Variants in RGS1 observed in about 807,000 individuals in gnomAD.
The protein encoded by RGS1 is B-cell activation protein BL34.
Under a neutral mutation model 22.2 loss-of-function variants are expected in RGS1, and 11 were observed. The observed-to-expected ratio is 0.50, with a 90% CI of 0.31 to 0.82. The LOEUF (loss-of-function observed/expected upper bound fraction) is 0.82, where lower values mean the gene tolerates loss of function less well. RGS1 is among the 40% of genes least tolerant of loss of function. RGS1 has a pLI of 0.04. For missense variants in RGS1, 255 were observed against 245.8 expected (o/e 1.04, Z -0.25); for synonymous variants, 81 against 79.9 (o/e 1.01, Z -0.07).
chr1:192,577,019 C>A, intron 3 of RGS1, 184 bp downstream of exon 3: 1 of 433,912 alleles, frequency 2.3e-6, no homozygotes, highest in Non-Finnish European at 4.0e-6. Flanking sequence ...TCAATTCTGC[C>A]AACTCCTTTT....
At position 192,579,151 on chromosome 1, in the gene RGS1, C is replaced by T. The variant is rs367632361; in HGVS notation, c.459C>T (p.Phe153=). The stretch of plus-strand genomic sequence containing the variant: ...TTCTTTTTTAGATCAATATTGACTT[C>T]CGCACTCGAGAATCTACAGCCAAGA... ...SDAAKQINID[F]RTRESTAKKI... is the part of the protein sequence containing the mutation. Residue 153 remains phenylalanine (F), a synonymous_variant, in exon 5 of 5, where the codon TTC becomes TTT. Transcript: ENST00000367459. 108 of 1,612,104 alleles carry T rather than the reference C, an allele frequency of 6.7e-5. No individual in the cohort carries two copies. The highest frequency in any genetic ancestry group is 8.7e-5 in the Non-Finnish European group (102 of 1,179,158).
rs764944580 is a variant in RGS1 at position 192,579,156 on chromosome 1, C to T, written c.464C>T (p.Thr155Ile). 1.2e-6 allele frequency: 2 copies of T among 1,612,672 alleles called. No individual in the cohort carries two copies. Among genetic ancestry groups the T allele is most frequent in the South Asian group, 1.1e-5 (1 of 90,908 alleles). Residue 155 changes from threonine (T) to isoleucine (I), a missense_variant, in exon 5 of 5, where the codon ACT becomes ATT. Coordinates refer to ENST00000367459, the MANE Select transcript of RGS1 (RefSeq NM_002922.4). ...AAKQINIDFR[T>I]RESTAKKIKA... is the part of the protein sequence containing the mutation. ...TTTTAGATCAATATTGACTTCCGCA[C>T]TCGAGAATCTACAGCCAAGAAGATT... is the stretch of plus-strand genomic sequence containing the variant.
At chr1:192,578,635 G>A in intron 4 of RGS1, 2 of 571,706 alleles carry the variant, frequency 3.5e-6, no homozygotes, top group Non-Finnish European at 6.1e-6. Flanking sequence ...GAAGGGTTAA[G>A]GGTATTGTTA....
chr1:192,579,113 A>C, intron 4 of RGS1, 24 bp from the exon 5 acceptor site: 1 of 1,595,580 alleles, frequency 6.3e-7, no homozygotes, highest in Non-Finnish European at 8.5e-7. Context: ...AGTATATATT[A>C]GCTAACAAGG....
In RGS1 at chr1:192,576,636, T is replaced by C. The variant is rs1438403061; in HGVS notation, c.219-138T>C. The C allele has an allele frequency of 4.9e-6, 4 of 818,022 alleles. No homozygotes were observed. The African/African-American group carries it at 7.0e-5, about 14-fold the overall frequency. 50.7% of individuals were successfully genotyped at this position (818,022 alleles called of 1,614,324 possible). A position where few individuals can be genotyped will look rare whatever the true frequency, so the allele number is the denominator to read the frequency against. ...AGTAACTCTAAGGGAAGTTTTGCAT[T>C]TTGTGAATAAATTTTAACATATTTA... On this transcript the variant is annotated intron_variant, in intron 2 of 4. Coordinates refer to ENST00000367459, the MANE Select transcript of RGS1 (RefSeq NM_002922.4).
chr1:192,578,575 A>G, intron 4 of RGS1, 190 bp downstream of exon 4: 1 of 677,464 alleles, frequency 1.5e-6, no homozygotes, highest in Non-Finnish European at 2.4e-6. Context: ...TCAGCACAGT[A>G]GAATAAAGAG....
intron 3 of RGS1, chr1:192,577,980 A>T: frequency 2.1e-6 from 1 of 478,484 alleles, no homozygotes; most frequent in Non-Finnish European, 3.6e-6. Flanking sequence ...AGCCACCATC[A>T]AGTAGCAATG....
chr1:192,576,008 A>G (rs1002450473), intron 1 of RGS1, 79 bp downstream of exon 1: 7 of 1,532,798 alleles, frequency 4.6e-6, no homozygotes, highest in Admixed American at 1.8e-5. Flanking sequence ...TGAATGGAAG[A>G]GAGTGTGAGC....
chr1:192,576,732 T>C (rs1299363462), intron 2 of RGS1, 42 bp from the exon 3 acceptor site: 2 of 1,544,598 alleles, frequency 1.3e-6, no homozygotes, highest in African/African-American at 1.4e-5. Flanking sequence ...TGTGCTTACA[T>C]TTTAAAAATT....
In RGS1 at chr1:192,579,121, A is replaced by C. The variant is rs746696088; in HGVS notation, c.445-16A>C. On this transcript the variant is annotated splice_polypyrimidine_tract_variant and intron_variant, in intron 4 of 4. Coordinates refer to ENST00000367459, the MANE Select transcript of RGS1 (RefSeq NM_002922.4). ...AAAGAAAAGTATATATTAGCTAACA[A>C]GGTTTTCTTTTTTAGATCAATATTG... The C allele has an allele frequency of 1.3e-6, 2 of 1,599,092 alleles. No homozygotes were observed. Among genetic ancestry groups the C allele is most frequent in the South Asian group, 2.3e-5 (2 of 87,658 alleles).
chr1:192,579,049 A>T, intron 4 of RGS1, 88 bp from the exon 5 acceptor site: 1 of 1,294,322 alleles, frequency 7.7e-7, no homozygotes, highest in Non-Finnish European at 1.1e-6. Flanking sequence ...CCTTAAAATT[A>T]CTTTCTGAGG....
intron 3 of RGS1, 28 bp from the exon 4 acceptor site, chr1:192,578,194 T>TC: frequency 1.3e-6 from 2 of 1,577,272 alleles, no homozygotes; most frequent in Non-Finnish European, 1.7e-6. Context: ...TTTAATTATC[T>TC]CCCCACCCAC....
Position 192,579,559 on chromosome 1 carries a change from A to G in RGS1, c.*237A>G, listed in dbSNP as rs548830291. The G allele has an allele frequency of 2.6e-5, 11 of 426,696 alleles. No individual in the cohort carries two copies. The highest frequency in any genetic ancestry group is 2.5e-5 in the Non-Finnish European group (6 of 241,316). 26.4% of individuals were successfully genotyped at this position (426,696 alleles called of 1,614,324 possible). A position where few individuals can be genotyped will look rare whatever the true frequency, so the allele number is the denominator to read the frequency against. ...AGATACTGTGGTACTGTCATAAAAA[A>G]CAGTGGAGCTCTGTATTAGAAAGCC... On this transcript the variant is annotated 3_prime_UTR_variant, in exon 5 of 5. Coordinates refer to ENST00000367459, the MANE Select transcript of RGS1 (RefSeq NM_002922.4).
At chr1:192,578,533 T>C in intron 4 of RGS1, 148 bp downstream of exon 4, 2 of 860,050 alleles carry the variant, frequency 2.3e-6, no homozygotes, top group East Asian at 5.3e-5. Context: ...TTCAGTGCAA[T>C]GAGAATCTAA....
intron 4 of RGS1, 54 bp from the exon 5 acceptor site, chr1:192,579,083 T>G: frequency 6.5e-7 from 1 of 1,535,538 alleles, no homozygotes; most frequent in Non-Finnish European, 8.8e-7. Flanking sequence ...AGTAACATCA[T>G]AAAATTTGCA....
chr1:192,576,373 C>A lies in RGS1; in HGVS notation c.218+8C>A, dbSNP rs757618719. The A allele has an allele frequency of 5.8e-6, 9 of 1,551,592 alleles. No individual in the cohort carries two copies. The East Asian group carries it at 1.8e-4, about 31-fold the overall frequency. On this transcript the variant is annotated splice_region_variant and intron_variant, in intron 2 of 4. Transcript: ENST00000367459. ...TTCCAAGTCCAAGGATGTGTAAGTA[C>A]ACTAATACACTAAACTATCATTATC...
rs745456551 is a variant in RGS1 at position 192,579,182 on chromosome 1, A to C, written c.490A>C (p.Lys164Gln). 6.2e-7 allele frequency: 1 copy of C among 1,613,256 alleles called. No homozygotes were observed. The highest frequency in any genetic ancestry group is 1.1e-5 in the South Asian group (1 of 91,050). ...TCGAGAATCTACAGCCAAGAAGATTAAAGCACCAACCCCCACGTGTTTTGA... is the reference window on the plus strand; with the variant it reads ...TCGAGAATCTACAGCCAAGAAGATTCAAGCACCAACCCCCACGTGTTTTGA... Reference protein sequence around the residue: ...RTRESTAKKIKAPTPTCFDEA... With the variant: ...RTRESTAKKIQAPTPTCFDEA... Residue 164 changes from lysine to glutamine, a missense_variant, in exon 5 of 5, where the codon AAA becomes CAA. Coordinates refer to ENST00000367459, the MANE Select transcript of RGS1 (RefSeq NM_002922.4).
In RGS1 at chr1:192,578,815, C is replaced by T. The variant is rs1177620590; in HGVS notation, c.445-322C>T. On this transcript the variant is annotated intron_variant, in intron 4 of 4. Transcript: ENST00000367459. ...AGAAAATATCAACAAAAAGAGCCTT[C>T]TTCTCCTGTAAATCTTAAATGCCTA... The T allele has an allele frequency of 8.4e-6, 3 of 357,892 alleles. No homozygotes were observed. In the East Asian group the frequency reaches 1.4e-4, roughly 17 times the overall value. 22.2% of individuals were successfully genotyped at this position (357,892 alleles called of 1,614,324 possible). A position where few individuals can be genotyped will look rare whatever the true frequency, so the allele number is the denominator to read the frequency against.
In RGS1 at chr1:192,575,882, T is replaced by C; in HGVS notation, c.90T>C (p.Thr30=). The C allele has an allele frequency of 6.2e-7, 1 of 1,613,346 alleles. No homozygotes were observed. ...SANPKELKGT[T]HSLLDDKMQK... is the part of the protein sequence containing the mutation. Reference sequence around the variant, plus strand: ...ACCCAAAGGAATTGAAAGGAACCACTCATTCACTTCTAGACGACAAAATGC... The same window carrying C: ...ACCCAAAGGAATTGAAAGGAACCACCCATTCACTTCTAGACGACAAAATGC... The change falls in exon 1 of 5, where the codon ACT becomes ACC. Residue 30 remains threonine, a synonymous_variant. Coordinates refer to ENST00000367459, the MANE Select transcript of RGS1 (RefSeq NM_002922.4).
Sources: gnomAD v4.1 joint callset for allele counts on GRCh38, gnomAD v4.1.1 for gene constraint, MANE v1.5 for transcripts, NCBI Gene and HGNC (gene_info 2026-07-23, HGNC 2026-07-21) for gene names.